The following GRIK4 variants were observed in gnomAD, a reference collection of about 807,000 sequenced individuals.
GRIK4 encodes the protein glutamate receptor ionotropic, kainate 4.
GRIK4 carries 40 observed loss-of-function variants against 104.9 expected under a neutral mutation model. The ratio of observed to expected loss-of-function variants is 0.38; its 90% confidence interval spans 0.30 to 0.50. The LOEUF is 0.50. GRIK4 is among the 20% of genes least tolerant of loss of function. The pLI, the probability that GRIK4 is intolerant of heterozygous loss-of-function variation, is 0.93. For missense variants in GRIK4, 1,047 were observed against 1,308.1 expected, an observed-to-expected ratio of 0.80 and a Z score of 3.08; for synonymous variants, 485 against 524.9, an observed-to-expected ratio of 0.92 and a Z score of 1.04.
chr11:120,716,148 A>G (rs1188277224), intron 3 of GRIK4, among the ~76,000 whole-genome samples: 4 of 151,736 alleles, frequency 2.6e-5, no homozygotes, highest in Admixed American at 6.6e-5. Context: ...GAGTGACTCT[A>G]TCAGAGCTGA....
At chr11:120,620,081 TA>T in intron 1 of GRIK4, 1 of 716,788 alleles carries the variant, frequency 1.4e-6, no homozygotes, top group East Asian at 2.5e-5. Flanking sequence ...GGTACCTCTC[TA>T]AAACTGGCCT....
intron 3 of GRIK4, among the ~76,000 whole-genome samples, chr11:120,783,115 A>G (rs547067178): frequency 6.6e-6 from 1 of 152,302 alleles, no homozygotes; most frequent in East Asian, 1.9e-4. Context: ...ACTCCCTACA[A>G]TGCAGACAGC....
intron 11 of GRIK4, among the ~76,000 whole-genome samples, chr11:120,876,409 CCATTGTCATCATTATCACCACCACTGT>C: frequency 7.0e-6 from 1 of 143,652 alleles, no homozygotes; most frequent in Non-Finnish European, 1.5e-5. Context: ...ATCACAACCA[CCATTGTCATCATTATCACCACCACTGT>C]CATCACCACC....
intron 3 of GRIK4, among the ~76,000 whole-genome samples, chr11:120,697,331 T>C (rs1950466921): frequency 6.6e-6 from 1 of 152,194 alleles, no homozygotes; most frequent in Admixed American, 6.5e-5. Flanking sequence ...TAAGAGTTTA[T>C]GGAGCTGGGC....
chr11:120,512,425 C>A (rs930040075), intron 1 of GRIK4, among the ~76,000 whole-genome samples: 1 of 151,716 alleles, frequency 6.6e-6, no homozygotes, highest in Non-Finnish European at 1.5e-5. Context: ...TTCCTCACTG[C>A]CATCTGCCTC....
chr11:120,806,750 G>A (rs1029355882), intron 4 of GRIK4, among the ~76,000 whole-genome samples: 6 of 152,194 alleles, frequency 3.9e-5, no homozygotes, highest in Admixed American at 2.0e-4. Context: ...GGAAGCAATG[G>A]TTATTTCAAG....
chr11:120,660,938 G>C (rs958215480), intron 3 of GRIK4, among the ~76,000 whole-genome samples: 12 of 152,170 alleles, frequency 7.9e-5, no homozygotes, highest in African/African-American at 2.4e-4. Flanking sequence ...CCCTTGCCTT[G>C]TTGCTGTGGG....
At chr11:120,977,112 C>G (rs913576684) in intron 19 of GRIK4, among the ~76,000 whole-genome samples, 5 of 152,168 alleles carry the variant, frequency 3.3e-5, no homozygotes, top group Admixed American at 1.3e-4. Context: ...TATTTGCGGG[C>G]AATCTGCGGG....
At chr11:120,891,953 T>C (rs975611558) in intron 11 of GRIK4, among the ~76,000 whole-genome samples, 2 of 152,132 alleles carry the variant, frequency 1.3e-5, no homozygotes, top group African/African-American at 2.4e-5. Context: ...CAAATCAGCT[T>C]TTGTAGATGA....
chr11:120,893,393 A>G (rs947227345), intron 11 of GRIK4, among the ~76,000 whole-genome samples: 48 of 152,228 alleles, frequency 3.2e-4, no homozygotes, highest in African/African-American at 1.1e-3. Flanking sequence ...TTGTAATGGC[A>G]TTAAGAATCT....
chr11:120,892,675 T>G (rs1697701032), intron 11 of GRIK4, among the ~76,000 whole-genome samples: 1 of 152,126 alleles, frequency 6.6e-6, no homozygotes, highest in Non-Finnish European at 1.5e-5. Context: ...GCCGCAGAAG[T>G]GACCAGCTTG....
chr11:120,572,100 G>A (rs1565554763), intron 1 of GRIK4, among the ~76,000 whole-genome samples: 1 of 152,190 alleles, frequency 6.6e-6, no homozygotes, highest in Admixed American at 6.5e-5. Context: ...CCCCTTCCTG[G>A]ATTGCAGATG....
At chr11:120,588,127 A>G (rs1948691647) in intron 1 of GRIK4, among the ~76,000 whole-genome samples, 1 of 152,182 alleles carries the variant, frequency 6.6e-6, no homozygotes, top group South Asian at 2.1e-4. Flanking sequence ...GGCACGAGAC[A>G]GAGATGTCCA....
At chr11:120,606,660 G>A (rs535915756) in intron 1 of GRIK4, among the ~76,000 whole-genome samples, 6 of 152,212 alleles carry the variant, frequency 3.9e-5, no homozygotes, top group African/African-American at 9.7e-5. Flanking sequence ...TGAGAGTGCC[G>A]CAGGTGTTGG....
Position 120,967,607 on chromosome 11 carries a change from G to A in GRIK4, c.2395+284G>A, listed in dbSNP as rs41297899. Reference sequence around the variant, plus strand: ...CCCCTAGCACCATGGCTTCTACCCTGGCCCATCATCTCCACACCTGTGCAG... The same window carrying A: ...CCCCTAGCACCATGGCTTCTACCCTAGCCCATCATCTCCACACCTGTGCAG... On this transcript the variant is annotated intron_variant, in intron 19 of 20. Coordinates refer to ENST00000527524, the MANE Select transcript of GRIK4 (RefSeq NM_014619.5). This position sits in a 1 kb window ranked among gnomAD's most constrained non-coding sequence, Gnocchi z 4.2. 3.0e-4 allele frequency among the ~76,000 whole-genome samples: 46 copies of A among 152,206 alleles called. 1 individual carries two copies. In the South Asian group the frequency reaches 4.6e-3, roughly 15 times the overall value.
chr11:120,976,604 C>T (rs2134780851), intron 19 of GRIK4, among the ~76,000 whole-genome samples: 1 of 152,288 alleles, frequency 6.6e-6, no homozygotes, highest in Non-Finnish European at 1.5e-5. Context: ...TGTTCTTGTC[C>T]AATGCTCTTG....
chr11:120,770,645 T>G (rs1324535133), intron 3 of GRIK4, among the ~76,000 whole-genome samples: 1 of 152,236 alleles, frequency 6.6e-6, no homozygotes, highest in Non-Finnish European at 1.5e-5. Flanking sequence ...ACTTTGACTC[T>G]GGGGAAGTGC....
chr11:120,736,643 T>A (rs2135400589), intron 3 of GRIK4, among the ~76,000 whole-genome samples: 1 of 152,362 alleles, frequency 6.6e-6, no homozygotes, highest in Non-Finnish European at 1.5e-5. Context: ...TCTAATTCTA[T>A]TATTTCTGTG....
At chr11:120,838,796 T>G (rs1953645156) in intron 8 of GRIK4, among the ~76,000 whole-genome samples, 1 of 152,070 alleles carries the variant, frequency 6.6e-6, no homozygotes, top group African/African-American at 2.4e-5. Context: ...TTGTTTTTGC[T>G]TTTTTTGAGA....
Sources: gnomAD v4.1 joint callset for allele counts (sites outside exome capture counted in the v4.1 genomes callset) on GRCh38, gnomAD v4.1.1 for gene constraint, Gnocchi (gnomAD v3.1) non-coding constraint, MANE v1.5 for transcripts, NCBI Gene and HGNC (gene_info 2026-07-23, HGNC 2026-07-21) for gene names.